KCNQ1: variants seen among roughly 807,000 people sequenced by gnomAD.
KCNQ1 encodes the protein potassium voltage-gated channel subfamily Q member 1.
Under a neutral mutation model 72.4 loss-of-function variants are expected in KCNQ1, and 49 were observed. That is an observed-to-expected ratio of 0.68 (90% confidence interval 0.54 to 0.86). KCNQ1 has a LOEUF of 0.86. KCNQ1 is among the 40% of genes least tolerant of loss of function. The probability of loss-of-function intolerance (pLI) is 0.00; values close to 1 mark genes in which losing one functional copy is unlikely to be tolerated. For synonymous variants in KCNQ1, 450 were observed against 412.6 expected (o/e 1.09, Z -1.10); for missense variants, 790 against 945.1 (o/e 0.84, Z 2.15).
At chr11:2,534,298 G>T (rs996778440) in intron 2 of KCNQ1, among the ~76,000 whole-genome samples, 1 of 152,252 alleles carries the variant, frequency 6.6e-6, no homozygotes, top group Admixed American at 6.5e-5. Flanking sequence ...TTTCACCTGG[G>T]ACCCGCAGCT....
intron 10 of KCNQ1, chr11:2,618,357 G>A (rs1460664077): frequency 5.0e-6 from 2 of 398,448 alleles, no homozygotes; most frequent in Admixed American, 4.4e-5. Flanking sequence ...ACAAATTTGT[G>A]TTGGGCCTCA....
rs1243561860 is a variant in KCNQ1, at chr11:2,559,748, G to A, written c.478-10880G>A. On this transcript the variant is annotated intron_variant, in intron 2 of 15. Transcript: ENST00000155840. The surrounding 1 kb of genome is among the most constrained non-coding windows in gnomAD (Gnocchi z 4.9). ...AACGGGGAGACAAGCACACAGAGCA[G>A]CTGGCCGATTGCAGCTCTGAAGGTC... 6.6e-6 allele frequency among the ~76,000 whole-genome samples: 1 copy of A among 152,170 alleles called. No homozygotes were observed. The highest frequency in any genetic ancestry group is 2.4e-5 in the African/African-American group (1 of 41,440).
intron 1 of KCNQ1, among the ~76,000 whole-genome samples, chr11:2,476,789 C>G (rs1489292456): frequency 1.3e-5 from 2 of 152,122 alleles, no homozygotes; most frequent in African/African-American, 2.4e-5. Flanking sequence ...CGGGTTCAAG[C>G]GCTCCTCCCC....
At chr11:2,675,370 T>G in intron 11 of KCNQ1, 1 of 398,550 alleles carries the variant, frequency 2.5e-6, no homozygotes, top group Non-Finnish European at 4.4e-6. Flanking sequence ...GTGTGTGCAT[T>G]AGAAAACATT....
At chr11:2,632,124 A>C in intron 10 of KCNQ1, 1 of 389,626 alleles carries the variant, frequency 2.6e-6, no homozygotes, top group Non-Finnish European at 4.5e-6. Flanking sequence ...CAGAGCTTGC[A>C]GTGAGCCGAG....
chr11:2,842,853 G>A (rs1848241922), intron 15 of KCNQ1, among the ~76,000 whole-genome samples: 1 of 152,202 alleles, frequency 6.6e-6, no homozygotes, highest in Admixed American at 6.5e-5. Context: ...CAGTCCACTT[G>A]ATCCCCTCAG....
At chr11:2,532,177 G>A (rs1287257991) in intron 2 of KCNQ1, among the ~76,000 whole-genome samples, 5 of 152,180 alleles carry the variant, frequency 3.3e-5, no homozygotes, top group African/African-American at 7.2e-5. Context: ...GGCTCTGGGA[G>A]GCTCACAAGC....
chr11:2,815,200 G>A lies in KCNQ1; in HGVS notation c.1795-32567G>A, dbSNP rs1847589811. ...AGGGTCCCAAGTCTGGGGTGGCCAG[G>A]TCACAGCTTGAACCTGGGCAGCCTT... On this transcript the variant is annotated intron_variant, in intron 15 of 15. Coordinates refer to ENST00000155840, the MANE Select transcript of KCNQ1 (RefSeq NM_000218.3). The surrounding 1 kb of genome is among the most constrained non-coding windows in gnomAD (Gnocchi z 5.4). Among the ~76,000 whole-genome samples the A allele has an allele frequency of 6.6e-6, 1 of 152,212 alleles. No homozygotes were observed. The highest frequency in any genetic ancestry group is 1.5e-5 in the Non-Finnish European group (1 of 68,024).
At chr11:2,633,726 G>T (rs922048771) in intron 10 of KCNQ1, 50 of 398,258 alleles carry the variant, frequency 1.3e-4, no homozygotes, top group Non-Finnish European at 2.7e-5. Context: ...TGGTCTATAT[G>T]TCTGTTTTAT....
chr11:2,668,976 T>C lies in KCNQ1; in HGVS notation c.1514+6895T>C. On this transcript the variant is annotated intron_variant, in intron 11 of 15. Coordinates refer to ENST00000155840, the MANE Select transcript of KCNQ1 (RefSeq NM_000218.3). The surrounding 1 kb of genome is among the most constrained non-coding windows in gnomAD (Gnocchi z 4.3). ...ATCTGGGATTGATTTTTGTGTCCAA[T>C]GTGAGGCCGAGGTCAAGGTCCACTC... 2 of 398,646 alleles carry C rather than the reference T, an allele frequency of 5.0e-6. No individual in the cohort carries two copies. The highest frequency in any genetic ancestry group is 6.3e-4 in the Middle Eastern group (1 of 1,588). The allele number at this position is 398,646 out of a possible 1,614,324, so 24.7% of individuals were successfully genotyped here.
intron 2 of KCNQ1, among the ~76,000 whole-genome samples, chr11:2,530,869 G>A (rs1046129065): frequency 2.0e-5 from 3 of 152,282 alleles, no homozygotes; most frequent in African/African-American, 2.4e-5. Flanking sequence ...GTGTATGTAC[G>A]TGTGTTCATG....
intron 11 of KCNQ1, among the ~76,000 whole-genome samples, chr11:2,743,422 G>C (rs1249098898): frequency 1.3e-5 from 2 of 152,242 alleles, no homozygotes; most frequent in African/African-American, 2.4e-5. Flanking sequence ...CTTAGGGGTA[G>C]AAATTATCCC....
At chr11:2,551,599 TCTCTGGG>T (rs1847984749) in intron 2 of KCNQ1, among the ~76,000 whole-genome samples, 1 of 152,254 alleles carries the variant, frequency 6.6e-6, no homozygotes, top group Admixed American at 6.5e-5. Context: ...TGTCTTCATT[TCTCTGGG>T]GTAAATCCCT....
chr11:2,834,663 C>T (rs769335358), intron 15 of KCNQ1, among the ~76,000 whole-genome samples: 69 of 152,306 alleles, frequency 4.5e-4, no homozygotes, highest in Non-Finnish European at 8.4e-4. Flanking sequence ...GGGTGTGGGG[C>T]TCAGGGCCCC....
intron 10 of KCNQ1, chr11:2,644,906 C>T (rs1849643455): frequency 2.5e-6 from 1 of 398,832 alleles, no homozygotes; most frequent in Admixed American, 4.4e-5. Flanking sequence ...ATAGGGACAC[C>T]AGCTGGGCCA....
At position 2,759,885 on chromosome 11, in the gene KCNQ1, C is replaced by A. The variant is rs559211049; in HGVS notation, c.1515-8959C>A. ...CTGTACTGGACCCAAGCCCCAGGAC[C>A]CCCTGGAGTCACCTCCAGCCCTCCC... On this transcript the variant is annotated intron_variant, in intron 11 of 15. Transcript: ENST00000155840. The surrounding 1 kb of genome is among the most constrained non-coding windows in gnomAD (Gnocchi z 4.4). Among the ~76,000 whole-genome samples, 38 of 152,258 alleles carry A rather than the reference C, an allele frequency of 2.5e-4. No homozygotes were observed. Among genetic ancestry groups the A allele is most frequent in the Non-Finnish European group, 4.6e-4 (31 of 68,010 alleles).
chr11:2,823,866 A>T (rs558163374), intron 15 of KCNQ1, among the ~76,000 whole-genome samples: 3 of 152,298 alleles, frequency 2.0e-5, no homozygotes, highest in Admixed American at 2.0e-4. Context: ...GGGTGGACAA[A>T]GCCGAGGGTG....
At chr11:2,798,555 A>T (rs1847189991) in intron 15 of KCNQ1, among the ~76,000 whole-genome samples, 1 of 152,198 alleles carries the variant, frequency 6.6e-6, no homozygotes, top group African/African-American at 2.4e-5. Flanking sequence ...CCCTGAAAAA[A>T]AAAAAAAATA....
intron 7 of KCNQ1, among the ~76,000 whole-genome samples, chr11:2,585,006 C>T (rs1440480009): frequency 6.6e-6 from 1 of 152,224 alleles, no homozygotes; most frequent in Admixed American, 6.5e-5. Flanking sequence ...GGACTGGGCC[C>T]CTTGCTGGAT....
Sources: allele counts gnomAD v4.1 joint callset (sites outside exome capture counted in the v4.1 genomes callset), GRCh38; gene constraint gnomAD v4.1.1; non-coding constraint Gnocchi (gnomAD v3.1); transcripts MANE v1.5; gene names NCBI Gene and HGNC (gene_info 2026-07-23, HGNC 2026-07-21).